LRGUK: variants seen among roughly 807,000 people sequenced by gnomAD.
LRGUK encodes the protein leucine rich repeats and guanylate kinase domain containing, also known as leucine-rich repeat and guanylate kinase domain-containing protein.
In LRGUK, 65 loss-of-function variants were observed where a neutral mutation model predicts 76.0. The ratio of observed to expected loss-of-function variants is 0.85; its 90% CI spans 0.70 to 1.05. LRGUK has a LOEUF of 1.05. Ranked by LOEUF, LRGUK falls within the 50% of genes least tolerant of loss-of-function variation. The pLI is 0.00. For missense variants in LRGUK, 758 were observed against 732.8 expected (o/e 1.03, Z -0.40); for synonymous variants, 268 against 265.6 (o/e 1.01, Z -0.09).
At chr7:134,265,067 C>A (rs1802832218), downstream of LRGUK, among the ~76,000 whole-genome samples, 1 of 151,924 alleles carries the variant, frequency 6.6e-6, no homozygotes, top group South Asian at 2.1e-4. Flanking sequence ...GAGGGTGGAG[C>A]GGGGGGACCA....
intron 7 of LRGUK, among the ~76,000 whole-genome samples, chr7:134,164,894 G>A (rs1236689261): frequency 6.6e-6 from 1 of 152,072 alleles, no homozygotes; most frequent in African/African-American, 2.4e-5. Flanking sequence ...AAGTTGTTTT[G>A]GCAACTTCTC....
intron 16 of LRGUK, among the ~76,000 whole-genome samples, chr7:134,226,347 A>G (rs779073372): frequency 4.2e-4 from 64 of 151,958 alleles, no homozygotes; most frequent in Non-Finnish European, 7.5e-4. Flanking sequence ...AATCCACCTC[A>G]AAACTCACTG....
At chr7:134,158,769 A>G (rs1249887689) in intron 6 of LRGUK, among the ~76,000 whole-genome samples, 1 of 152,250 alleles carries the variant, frequency 6.6e-6, no homozygotes. Flanking sequence ...CTCAATTTAC[A>G]GAAATTCAGC....
At chr7:134,136,379 G>T (rs898012447) in intron 1 of LRGUK, among the ~76,000 whole-genome samples, 5 of 152,178 alleles carry the variant, frequency 3.3e-5, no homozygotes, top group African/African-American at 1.2e-4. Context: ...AATAGGAAGT[G>T]AACTGAAGGA....
chr7:134,217,867 G>A (rs1012618901), intron 15 of LRGUK, among the ~76,000 whole-genome samples: 4 of 152,042 alleles, frequency 2.6e-5, no homozygotes, highest in African/African-American at 9.6e-5. Flanking sequence ...TACATCATAT[G>A]TATATATGCA....
chr7:134,275,470 G>A, the LRGUK span, among the ~76,000 whole-genome samples: 1 of 151,954 alleles, frequency 6.6e-6, no homozygotes, highest in South Asian at 2.1e-4. Flanking sequence ...AGAAATGACT[G>A]AATTTTTTTC....
chr7:134,236,139 G>A (rs1156309657), intron 16 of LRGUK, among the ~76,000 whole-genome samples: 2 of 151,980 alleles, frequency 1.3e-5, no homozygotes, highest in African/African-American at 4.8e-5. Context: ...GAAAATAAAT[G>A]TATAGATTAT....
downstream of LRGUK, among the ~76,000 whole-genome samples, chr7:134,210,408 G>T (rs78525585): frequency 0.017 from 2,562 of 152,238 alleles, 70 homozygotes; most frequent in African/African-American, 0.053. Flanking sequence ...TCCAGGAAAA[G>T]GACCCATACC....
chr7:134,187,069 G>A (rs562001400), intron 11 of LRGUK, among the ~76,000 whole-genome samples: 8 of 152,106 alleles, frequency 5.3e-5, no homozygotes, highest in South Asian at 2.1e-4. Context: ...ATCAAGGCAC[G>A]GATAAAAGAC....
chr7:134,244,467 T>C (rs1563198084), intron 16 of LRGUK, among the ~76,000 whole-genome samples: 1 of 152,202 alleles, frequency 6.6e-6, no homozygotes. Flanking sequence ...TCATCATTAC[T>C]GGCCATCAGA....
At position 134,140,999 on chromosome 7, in the gene LRGUK, T is replaced by A. The variant is rs1797742168; in HGVS notation, c.487+1482T>A. Among the ~76,000 whole-genome samples the A allele has an allele frequency of 2.0e-5, 3 of 152,152 alleles. No homozygotes were observed. The South Asian group carries it at 6.2e-4, about 32-fold the overall frequency. ...TCTCTGGCAGGAGCACTTGGCCTAC[T>A]CCATACCTCCGCGGTTGTTTCCATT... On this transcript the variant is annotated intron_variant, in intron 3 of 15. Transcript: ENST00000645682.
At chr7:134,128,495 C>T (rs955153087) in intron 1 of LRGUK, among the ~76,000 whole-genome samples, 1 of 152,188 alleles carries the variant, frequency 6.6e-6, no homozygotes, top group Non-Finnish European at 1.5e-5. Flanking sequence ...CTTCTTTTCT[C>T]TTGGCTTCTA....
chr7:134,238,049 G>A (rs901966519), intron 16 of LRGUK, among the ~76,000 whole-genome samples: 11 of 151,968 alleles, frequency 7.2e-5, no homozygotes. Flanking sequence ...TTTTACAAAT[G>A]TTCTCCCCCC....
chr7:134,178,543 T>G, exon 10 of LRGUK: 2 of 1,613,358 alleles, frequency 1.2e-6, no homozygotes, highest in South Asian at 1.1e-5. Flanking sequence ...CCTGAAGTGG[T>G]TGCAGCTCAA....
At chr7:134,169,914 G>A (rs1799170807) in intron 7 of LRGUK, among the ~76,000 whole-genome samples, 1 of 151,992 alleles carries the variant, frequency 6.6e-6, no homozygotes, top group Non-Finnish European at 1.5e-5. Flanking sequence ...GCATTTTTAA[G>A]ACTCTTACTA....
chr7:134,204,955 C>T (rs757593523), intron 15 of LRGUK, among the ~76,000 whole-genome samples: 8 of 152,120 alleles, frequency 5.3e-5, no homozygotes, highest in African/African-American at 1.2e-4. Context: ...AGAATGGAGC[C>T]GTGGACCTTC....
At position 134,258,167 on chromosome 7, in the gene LRGUK, A is replaced by C. The variant is rs187379822; in HGVS notation, c.2199-90A>C. The C allele has an allele frequency of 9.4e-4, 1,398 of 1,495,118 alleles. 1 individual carries two copies. The highest frequency in any genetic ancestry group is 1.2e-3 in the Non-Finnish European group (1,268 of 1,086,348). 92.6% of individuals were successfully genotyped at this position (1,495,118 alleles called of 1,614,324 possible). ...TAACTACTGTGAACTTGATAAAGGTAACCCAGTGAAGTCATAGGCATAGAT... is the reference window on the plus strand; with the variant it reads ...TAACTACTGTGAACTTGATAAAGGTCACCCAGTGAAGTCATAGGCATAGAT... On this transcript the variant is annotated intron_variant, in intron 18 of 19. Coordinates refer to the LRGUK transcript ENST00000285928.
chr7:134,143,104 A>G lies in LRGUK; in HGVS notation c.530A>G (p.Asn177Ser), dbSNP rs761379341. The change falls in exon 4 of 16, where the codon AAT becomes AGT. Residue 177 changes from asparagine (N) to serine (S), a missense_variant. By Grantham distance (46) the Asn-to-Ser change is conservative. Coordinates refer to ENST00000645682, the Ensembl canonical transcript of LRGUK. ...TGTATGCCTTATCTCCTAGAACTTA[A>G]TGCTTCTCAAAATAATTTGACTACG... The G allele has an allele frequency of 2.5e-5, 41 of 1,610,870 alleles. No individual in the cohort carries two copies. Among genetic ancestry groups the G allele is most frequent in the Non-Finnish European group, 3.2e-5 (38 of 1,177,270 alleles).
intron 8 of LRGUK, 50 bp from the exon 9 acceptor site, chr7:134,176,927 G>T: frequency 8.9e-7 from 1 of 1,129,356 alleles, no homozygotes; most frequent in South Asian, 1.4e-5. Flanking sequence ...GGTGCTTGTT[G>T]ATTTGGGAAA....
Sources: gnomAD v4.1 joint callset for allele counts (sites outside exome capture counted in the v4.1 genomes callset) on GRCh38, gnomAD v4.1.1 for gene constraint, MANE v1.5 for transcripts, NCBI Gene and HGNC (gene_info 2026-07-23, HGNC 2026-07-21) for gene names.